UBE2E3: variants seen among roughly 807,000 people sequenced by gnomAD.
The protein encoded by UBE2E3 is ubiquitin-conjugating enzyme E2 E3.
Under a neutral mutation model 23.6 loss-of-function variants are expected in UBE2E3, and 5 were observed. The ratio of observed to expected loss-of-function variants is 0.21; its 90% CI spans 0.11 to 0.44. UBE2E3 has a LOEUF of 0.44. Among genes scored for constraint, UBE2E3 ranks in the 20% least tolerant of loss-of-function variants. UBE2E3 has a pLI of 0.99. For synonymous variants in UBE2E3, 78 were observed against 87.5 expected, an observed-to-expected ratio of 0.89 and a Z score of 0.60; for missense variants, 81 against 249.8, an observed-to-expected ratio of 0.32 and a Z score of 4.55.
intron 3 of UBE2E3, among the ~76,000 whole-genome samples, chr2:181,030,732 A>G (rs1300363776): frequency 7.1e-6 from 1 of 141,786 alleles, no homozygotes; most frequent in African/African-American, 2.5e-5. Flanking sequence ...GTGGAAATTA[A>G]CTACAAGTCC....
At chr2:180,988,654 T>C (rs1017496896) in intron 3 of UBE2E3, among the ~76,000 whole-genome samples, 1 of 152,188 alleles carries the variant, frequency 6.6e-6, no homozygotes, top group Non-Finnish European at 1.5e-5. Flanking sequence ...ATTCTTTCCA[T>C]GTCTGTGAAC....
intron 3 of UBE2E3, among the ~76,000 whole-genome samples, chr2:180,990,461 A>T (rs1403319424): frequency 6.6e-6 from 1 of 152,150 alleles, no homozygotes; most frequent in Non-Finnish European, 1.5e-5. Context: ...TGCATCCTTA[A>T]TATATTCACC....
At chr2:181,059,462 A>C (rs993860795) in intron 4 of UBE2E3, among the ~76,000 whole-genome samples, 1 of 151,778 alleles carries the variant, frequency 6.6e-6, no homozygotes, top group African/African-American at 2.4e-5. Flanking sequence ...TAAAATCTAC[A>C]TGTATAATTT....
chr2:180,988,928 C>T (rs1383302128), intron 3 of UBE2E3, among the ~76,000 whole-genome samples: 5 of 151,886 alleles, frequency 3.3e-5, no homozygotes, highest in Admixed American at 1.3e-4. Flanking sequence ...TCCTGGAACC[C>T]GCTTTTTATA....
intron 3 of UBE2E3, among the ~76,000 whole-genome samples, chr2:181,021,065 A>C (rs1174676595): frequency 6.6e-6 from 1 of 152,218 alleles, no homozygotes; most frequent in Non-Finnish European, 1.5e-5. Context: ...CTATATGTGA[A>C]AAGTAGTAAT....
intron 3 of UBE2E3, among the ~76,000 whole-genome samples, chr2:181,021,554 C>CCCTCCCTT (rs1553537355): frequency 3.8e-4 from 18 of 47,242 alleles, no homozygotes; most frequent in African/African-American, 1.5e-3. Context: ...TAAATATACT[C>CCCTCCCTT]CCTTCCTTCC....
intron 3 of UBE2E3, among the ~76,000 whole-genome samples, chr2:181,026,915 A>G (rs1685908855): frequency 5.3e-5 from 8 of 151,980 alleles, no homozygotes; most frequent in Admixed American, 5.3e-4. Flanking sequence ...TAAATATATG[A>G]TTGATAACCA....
chr2:181,010,316 A>G (rs542702881), intron 3 of UBE2E3, among the ~76,000 whole-genome samples: 2 of 152,260 alleles, frequency 1.3e-5, no homozygotes, highest in East Asian at 3.9e-4. Context: ...ATTTCTTGTC[A>G]GTCATATTCT....
At chr2:181,052,359 T>A (rs2105474642) in intron 3 of UBE2E3, among the ~76,000 whole-genome samples, 1 of 151,910 alleles carries the variant, frequency 6.6e-6, no homozygotes, top group African/African-American at 2.4e-5. Context: ...TCTTTTTCTC[T>A]TATCACTAGA....
chr2:181,025,681 C>T (rs1486352399), intron 3 of UBE2E3, among the ~76,000 whole-genome samples: 1 of 151,820 alleles, frequency 6.6e-6, no homozygotes, highest in Non-Finnish European at 1.5e-5. Context: ...TGAATCATAT[C>T]ATTGGCTATT....
chr2:181,015,958 T>C (rs1190249764), intron 3 of UBE2E3, among the ~76,000 whole-genome samples: 20 of 151,694 alleles, frequency 1.3e-4, no homozygotes, highest in Admixed American at 1.2e-3. Context: ...CCATGGAGCA[T>C]GTTAGAGCAA....
chr2:181,021,562 T>TCCCTTCCTTCCTCCCTCCCTC (rs1685681689), intron 3 of UBE2E3, among the ~76,000 whole-genome samples: 26 of 35,314 alleles, frequency 7.4e-4, no homozygotes, highest in Non-Finnish European at 8.5e-4. Context: ...CTCCCTTCCT[T>TCCCTTCCTTCCTCCCTCCCTC]CCTTCCTTCC....
chr2:181,014,585 A>G (rs1685431190), intron 3 of UBE2E3, among the ~76,000 whole-genome samples: 1 of 152,164 alleles, frequency 6.6e-6, no homozygotes, highest in Non-Finnish European at 1.5e-5. Flanking sequence ...GGAAGAAAAC[A>G]AAGAGGTTGT....
chr2:181,057,750 G>A lies in UBE2E3; in HGVS notation c.303G>A (p.Pro101=), dbSNP rs962162979. The change falls in exon 4 of 6, where the codon CCG becomes CCA. Residue 101 remains proline (P), a synonymous_variant. Transcript: ENST00000410062. ...YEWRSTILGP[P]GSVYEGGVFF... is the part of the protein sequence containing the mutation. The stretch of plus-strand genomic sequence containing the variant: ...GGAGATCAACTATACTTGGTCCACC[G>A]GGTTCTGTATATGAAGGTGGTGTGT... The A allele has an allele frequency of 1.9e-6, 3 of 1,611,062 alleles. No individual in the cohort carries two copies. The highest frequency in any genetic ancestry group is 1.7e-5 in the Admixed American group (1 of 59,798).
At chr2:181,051,190 T>C (rs1232752215) in intron 3 of UBE2E3, among the ~76,000 whole-genome samples, 2 of 151,858 alleles carry the variant, frequency 1.3e-5, no homozygotes, top group African/African-American at 4.8e-5. Flanking sequence ...TAAATGGTAT[T>C]AAATTACATG....
At chr2:180,988,400 G>C (rs1378651946) in intron 3 of UBE2E3, among the ~76,000 whole-genome samples, 2 of 152,064 alleles carry the variant, frequency 1.3e-5, no homozygotes, top group African/African-American at 2.4e-5. Flanking sequence ...AAAAACTTCA[G>C]GCATAGATGA....
chr2:181,003,444 G>C (rs939776348), intron 3 of UBE2E3, among the ~76,000 whole-genome samples: 1 of 147,834 alleles, frequency 6.8e-6, no homozygotes, highest in African/African-American at 2.4e-5. Flanking sequence ...AATTATTTAT[G>C]TCTACTTTTG....
chr2:181,031,345 G>A (rs1271013906), intron 3 of UBE2E3, among the ~76,000 whole-genome samples: 2 of 152,144 alleles, frequency 1.3e-5, no homozygotes, highest in East Asian at 1.9e-4. Flanking sequence ...GTAGAAATGT[G>A]TTTGCTGTAT....
chr2:180,984,105 A>G lies in UBE2E3; in HGVS notation c.245+12A>G. On this transcript the variant is annotated intron_variant, in intron 3 of 5. Coordinates refer to ENST00000410062, the MANE Select transcript of UBE2E3 (RefSeq NM_006357.4). ...CCTCCTAATTGCAGGTAAGAAATGAATTTTGTTGTTTTGGTTTCAAATTGT... is the reference window on the plus strand; with the variant it reads ...CCTCCTAATTGCAGGTAAGAAATGAGTTTTGTTGTTTTGGTTTCAAATTGT... 1 of 1,607,932 alleles carries G rather than the reference A, an allele frequency of 6.2e-7. No individual in the cohort carries two copies. The highest frequency in any genetic ancestry group is 1.1e-5 in the South Asian group (1 of 90,084).
Sources: gnomAD v4.1 joint callset for allele counts (sites outside exome capture counted in the v4.1 genomes callset) on GRCh38, gnomAD v4.1.1 for gene constraint, MANE v1.5 for transcripts, NCBI Gene and HGNC (gene_info 2026-07-23, HGNC 2026-07-21) for gene names.